ERCC8: variants seen among roughly 807,000 people sequenced by gnomAD.
The protein encoded by ERCC8 is ERCC excision repair 8, CSA ubiquitin ligase complex subunit.
In ERCC8, 52 loss-of-function variants were observed where a neutral mutation model predicts 54.9. The observed-to-expected ratio is 0.95, with a 90% CI of 0.76 to 1.19. ERCC8 has a LOEUF of 1.19. Among genes scored for constraint, ERCC8 ranks in the 50% most tolerant of loss-of-function variants. The pLI is 0.00. For synonymous variants in ERCC8, 146 were observed against 157.2 expected, an observed-to-expected ratio of 0.93 and a Z score of 0.53; for missense variants, 514 against 466.1, an observed-to-expected ratio of 1.10 and a Z score of -0.95.
At chr5:60,877,356 A>G (rs910296373) in intron 11 of ERCC8, among the ~76,000 whole-genome samples, 9 of 152,300 alleles carry the variant, frequency 5.9e-5, no homozygotes, top group East Asian at 3.9e-4. Flanking sequence ...TTGACTTGGC[A>G]ATGCGGGCTC....
At chr5:60,886,683 C>A (rs1338953367) in intron 11 of ERCC8, among the ~76,000 whole-genome samples, 2 of 147,544 alleles carry the variant, frequency 1.4e-5, no homozygotes, top group Non-Finnish European at 3.0e-5. Flanking sequence ...GCCTGGGCGA[C>A]AGATTGAGAC....
chr5:60,920,205 T>C (rs1749562676), intron 3 of ERCC8, among the ~76,000 whole-genome samples: 1 of 151,966 alleles, frequency 6.6e-6, no homozygotes, highest in Admixed American at 6.6e-5. Context: ...TTTCTAAGTC[T>C]GATTCTCCCA....
intron 10 of ERCC8, among the ~76,000 whole-genome samples, chr5:60,889,556 C>T (rs1413603578): frequency 6.6e-6 from 1 of 152,154 alleles, no homozygotes; most frequent in Non-Finnish European, 1.5e-5. Context: ...TGCTTTCGGC[C>T]TCCTAAAGTG....
chr5:60,903,667 G>C lies in ERCC8; in HGVS notation c.531C>G (p.Ser177=), dbSNP rs1328436306. The C allele has an allele frequency of 7.4e-6, 12 of 1,612,706 alleles. No individual in the cohort carries two copies. Among genetic ancestry groups the C allele is most frequent in the Non-Finnish European group, 1.0e-5 (12 of 1,179,188 alleles). ...KVQLCDLKSG[S]CSHILQGHRQ... is the part of the protein sequence containing the mutation. ...AAATACCCTGTAGAATGTGAGAACA[G>C]GATCCAGACTTCAAGTCACAAAGTT... Residue 177 remains serine (S), a synonymous_variant, in exon 6 of 12, where the codon TCC becomes TCG. Coordinates refer to ENST00000676185, the MANE Select transcript of ERCC8 (RefSeq NM_000082.4).
intron 11 of ERCC8, among the ~76,000 whole-genome samples, chr5:60,876,141 G>C (rs767970249): frequency 6.6e-6 from 1 of 151,286 alleles, no homozygotes; most frequent in Non-Finnish European, 1.5e-5. Context: ...TTGGGTTTTT[G>C]TCCTTGCAAT....
intron 1 of ERCC8, among the ~76,000 whole-genome samples, chr5:60,934,778 A>G (rs1295198282): frequency 3.3e-5 from 5 of 152,316 alleles, no homozygotes; most frequent in African/African-American, 1.2e-4. Flanking sequence ...ATTTTCCTCC[A>G]TGTGGCTTGC....
At chr5:60,933,160 T>TATAGG (rs1218326754) in intron 1 of ERCC8, among the ~76,000 whole-genome samples, 1 of 151,890 alleles carries the variant, frequency 6.6e-6, no homozygotes, top group African/African-American at 2.4e-5. Context: ...AAATGGCTTT[T>TATAGG]ATAGGATGTA....
In ERCC8 at chr5:60,871,402, T is replaced by C. The variant is rs1747860194; in HGVS notation, c.*3213A>G. On this transcript the variant is annotated 3_prime_UTR_variant, in exon 12 of 12. Coordinates refer to ENST00000676185, the MANE Select transcript of ERCC8 (RefSeq NM_000082.4). Reference sequence around the variant, plus strand: ...CTGCAAAATAAAAATACATCCCCTATATGTCTGCATAGATATATATAGGAT... The same window carrying C: ...CTGCAAAATAAAAATACATCCCCTACATGTCTGCATAGATATATATAGGAT... Among the ~76,000 whole-genome samples the C allele has an allele frequency of 6.6e-6, 1 of 152,222 alleles. No individual in the cohort carries two copies. Among genetic ancestry groups the C allele is most frequent in the African/African-American group, 2.4e-5 (1 of 41,458 alleles).
At position 60,873,520 on chromosome 5, in the gene ERCC8, C is replaced by A. The variant is rs1747909221; in HGVS notation, c.*1095G>T. Among the ~76,000 whole-genome samples the A allele has an allele frequency of 6.6e-6, 1 of 151,984 alleles. No homozygotes were observed. The highest frequency in any genetic ancestry group is 2.1e-4 in the South Asian group (1 of 4,814). On this transcript the variant is annotated 3_prime_UTR_variant, in exon 12 of 12. Coordinates refer to ENST00000676185, the MANE Select transcript of ERCC8 (RefSeq NM_000082.4). ...TGAAACCCCATCTCTACTGAAAATA[C>A]AAAAAAATTAACCGGGCGCAGTGGC... is the stretch of plus-strand genomic sequence containing the variant.
At chr5:60,892,187 T>C (rs1748582422) in intron 9 of ERCC8, 2 of 525,876 alleles carry the variant, frequency 3.8e-6, no homozygotes, top group Non-Finnish European at 7.7e-6. Flanking sequence ...CCACCCCATC[T>C]GATGACGATT....
chr5:60,891,012 T>G lies in ERCC8; in HGVS notation c.918A>C (p.Glu306Asp). The G allele has an allele frequency of 6.2e-7, 1 of 1,613,602 alleles. No homozygotes were observed. Among genetic ancestry groups the G allele is most frequent in the Middle Eastern group, 1.7e-4 (1 of 5,992 alleles). Residue 306 changes from glutamate to aspartate, a missense_variant, in exon 10 of 12, where the codon GAA (glutamate) becomes GAC (aspartate). Coordinates refer to ENST00000676185, the MANE Select transcript of ERCC8 (RefSeq NM_000082.4). ...KFTVSCGCSS[E>D]FVFVPYGSTI... Reference sequence around the variant, plus strand: ...TGCTACCATATGGTACAAAAACAAATTCTGAACTGCAGCCACAGGAGACAG... The same window carrying G: ...TGCTACCATATGGTACAAAAACAAAGTCTGAACTGCAGCCACAGGAGACAG...
chr5:60,927,461 AAG>A (rs1470685716), intron 2 of ERCC8, among the ~76,000 whole-genome samples: 2 of 152,222 alleles, frequency 1.3e-5, no homozygotes, highest in Non-Finnish European at 2.9e-5. Flanking sequence ...TCACTGTAGC[AAG>A]AGTCTTCAGA....
intron 4 of ERCC8, among the ~76,000 whole-genome samples, chr5:60,905,946 T>C (rs988196522): frequency 6.6e-6 from 1 of 151,910 alleles, no homozygotes; most frequent in South Asian, 2.1e-4. Flanking sequence ...GTGTGGGGAA[T>C]GGTCCTCTTG....
At chr5:60,875,943 G>T (rs1483506177) in intron 11 of ERCC8, among the ~76,000 whole-genome samples, 1 of 151,790 alleles carries the variant, frequency 6.6e-6, no homozygotes, top group East Asian at 1.9e-4. Context: ...CAACGTGCAG[G>T]TTTGTCACAT....
At chr5:60,880,890 T>G (rs916347320) in intron 11 of ERCC8, among the ~76,000 whole-genome samples, 3 of 152,262 alleles carry the variant, frequency 2.0e-5, no homozygotes, top group African/African-American at 7.2e-5. Flanking sequence ...CCATCCAGTT[T>G]GTTCTGTTGC....
rs553668114 is a variant in ERCC8, at chr5:60,867,341, G to A, written c.*7274C>T. 4.6e-5 allele frequency among the ~76,000 whole-genome samples: 7 copies of A among 151,978 alleles called. No homozygotes were observed. The highest frequency in any genetic ancestry group is 1.9e-4 in the East Asian group (1 of 5,148). On this transcript the variant is annotated 3_prime_UTR_variant, in exon 12 of 12. Coordinates refer to ENST00000676185, the MANE Select transcript of ERCC8 (RefSeq NM_000082.4). ...GCGATCTCGGCTCACTGCAACCTCC[G>A]CCTTCAGGGTTCAGGCCATTCTCCT...
intron 11 of ERCC8, among the ~76,000 whole-genome samples, chr5:60,883,708 C>T (rs1317756101): frequency 3.9e-5 from 6 of 152,210 alleles, no homozygotes; most frequent in Middle Eastern, 3.4e-3. Flanking sequence ...AATGTCAAAA[C>T]AAAGTAAGAT....
At chr5:60,932,808 A>G (rs1749947915) in intron 1 of ERCC8, among the ~76,000 whole-genome samples, 1 of 152,152 alleles carries the variant, frequency 6.6e-6, no homozygotes, top group South Asian at 2.1e-4. Context: ...GAGTAGAGGG[A>G]AAAGAGAAGG....
At chr5:60,878,438 A>T (rs1332497470) in intron 11 of ERCC8, among the ~76,000 whole-genome samples, 1 of 152,192 alleles carries the variant, frequency 6.6e-6, no homozygotes, top group East Asian at 1.9e-4. Context: ...ATAGTTTCAG[A>T]AGGAATGGTA....
Sources: allele counts gnomAD v4.1 joint callset (sites outside exome capture counted in the v4.1 genomes callset), GRCh38; gene constraint gnomAD v4.1.1; transcripts MANE v1.5; gene names NCBI Gene and HGNC (gene_info 2026-07-23, HGNC 2026-07-21).